The following GALNT14 variants were observed in gnomAD, a reference collection of about 807,000 sequenced individuals.
GALNT14 encodes UDP-GalNAc:polypeptide N-acetylgalactosaminyltransferase 14.
In GALNT14, 60 loss-of-function variants were observed where a neutral mutation model predicts 77.5. The observed-to-expected ratio is 0.77, with a 90% CI of 0.63 to 0.96. The LOEUF is 0.96. Ranked by LOEUF, GALNT14 falls within the 40% of genes least tolerant of loss-of-function variation. The pLI, the probability that GALNT14 is intolerant of heterozygous loss-of-function variation, is 0.00. For synonymous variants in GALNT14, 280 were observed against 281.7 expected, an observed-to-expected ratio of 0.99 and a Z score of 0.06; for missense variants, 710 against 731.0, an observed-to-expected ratio of 0.97 and a Z score of 0.33.
At position 31,138,403 on chromosome 2, in the gene GALNT14, G is replaced by A. The variant is rs1000142115; in HGVS notation, c.-317C>T. The A allele has an allele frequency of 2.8e-6, 1 of 360,528 alleles. No homozygotes were observed. The highest frequency in any genetic ancestry group is 5.0e-6 in the Non-Finnish European group (1 of 201,156). The allele number at this position is 360,528 out of a possible 1,614,324, so 22.3% of individuals were successfully genotyped here. A position where few individuals can be genotyped will look rare whatever the true frequency, so the allele number is the denominator to read the frequency against. ...CGCCGCCACCGCGGCTGCCGCCGCC[G>A]CCGCCGCCGCCTTGCCCGCTGCCGC... On this transcript the variant is annotated 5_prime_UTR_variant, in exon 1 of 15. Coordinates refer to ENST00000349752, the MANE Select transcript of GALNT14 (RefSeq NM_024572.4).
At chr2:31,030,563 A>AT (rs1672341432) in intron 1 of GALNT14, among the ~76,000 whole-genome samples, 1 of 152,212 alleles carries the variant, frequency 6.6e-6, no homozygotes, top group African/African-American at 2.4e-5. Context: ...TGGCACTTCT[A>AT]TCACCATTCA....
chr2:31,126,133 T>C (rs1170676358), intron 1 of GALNT14, among the ~76,000 whole-genome samples: 2 of 152,238 alleles, frequency 1.3e-5, no homozygotes, highest in African/African-American at 2.4e-5. Context: ...GTTTTCTCTT[T>C]AAACATTGTT....
chr2:31,019,450 C>T (rs1671583524), intron 1 of GALNT14, among the ~76,000 whole-genome samples: 1 of 152,144 alleles, frequency 6.6e-6, no homozygotes, highest in African/African-American at 2.4e-5. Flanking sequence ...GACTTGGGCT[C>T]ATTCATTCTC....
intron 1 of GALNT14, among the ~76,000 whole-genome samples, chr2:31,027,446 A>G (rs13034334): frequency 0.063 from 9,373 of 148,910 alleles, 383 homozygotes; most frequent in Middle Eastern, 0.1. Context: ...AAAAAAAAAC[A>G]GTCCCTGTGC....
intron 9 of GALNT14, 53 bp from the exon 10 acceptor site, chr2:30,932,247 TTGAGGCCCCAGGTCTAATGAAACGG>T (rs1297243327): frequency 1.4e-6 from 2 of 1,383,590 alleles, no homozygotes; most frequent in Non-Finnish European, 1.9e-6. Flanking sequence ...TGCTGCAGCT[TTGAGGCCCCAGGTCTAATGAAACGG>T]TGAGGCCCCC....
At chr2:30,894,947 A>G in the GALNT14 span, among the ~76,000 whole-genome samples, 3 of 152,216 alleles carry the variant, frequency 2.0e-5, no homozygotes, top group Admixed American at 6.5e-5. Context: ...TCCCCAGAGC[A>G]GCAGCACAGG....
chr2:31,108,310 T>G (rs1281207933), intron 1 of GALNT14, among the ~76,000 whole-genome samples: 1 of 152,212 alleles, frequency 6.6e-6, no homozygotes, highest in Admixed American at 6.5e-5. Context: ...GATGGAAACA[T>G]AAATTCTTCA....
intron 1 of GALNT14, among the ~76,000 whole-genome samples, chr2:31,026,617 G>C (rs529466805): frequency 6.6e-6 from 1 of 152,166 alleles, no homozygotes; most frequent in Non-Finnish European, 1.5e-5. Flanking sequence ...TAGGGAGGGG[G>C]TCTGCCCCAA....
rs1255119372 is a variant in GALNT14 at position 30,948,369 on chromosome 2, G to T, written c.655-2499C>A. On this transcript the variant is annotated intron_variant, in intron 6 of 14. Coordinates refer to ENST00000349752, the MANE Select transcript of GALNT14 (RefSeq NM_024572.4). Reference sequence around the variant, plus strand: ...ATGTCCTGCCTAGAAGACTGTCTTTGTTTACCTGGGGCTGTGGGCTACACC... The same window carrying T: ...ATGTCCTGCCTAGAAGACTGTCTTTTTTTACCTGGGGCTGTGGGCTACACC... 2.6e-5 allele frequency among the ~76,000 whole-genome samples: 4 copies of T among 152,320 alleles called. No homozygotes were observed. The East Asian group carries it at 7.7e-4, about 29-fold the overall frequency.
intron 1 of GALNT14, among the ~76,000 whole-genome samples, chr2:31,084,308 A>T (rs969192928): frequency 6.6e-5 from 10 of 152,202 alleles, no homozygotes; most frequent in African/African-American, 1.9e-4. Flanking sequence ...GTGTTGGCTG[A>T]AGCTCAAAGA....
intron 1 of GALNT14, among the ~76,000 whole-genome samples, chr2:31,103,265 T>C (rs559336368): frequency 6.6e-6 from 1 of 152,232 alleles, no homozygotes; most frequent in African/African-American, 2.4e-5. Context: ...CATTCGTAAT[T>C]ACAACATGAT....
At chr2:31,020,589 C>G (rs1671656655) in intron 1 of GALNT14, among the ~76,000 whole-genome samples, 1 of 152,152 alleles carries the variant, frequency 6.6e-6, no homozygotes, top group African/African-American at 2.4e-5. Context: ...TATTTTTAAT[C>G]TTCGACTCCT....
intron 6 of GALNT14, 111 bp from the exon 7 acceptor site, chr2:30,945,981 A>T: frequency 1.3e-6 from 1 of 795,034 alleles, no homozygotes. Flanking sequence ...TGTGGCCTTC[A>T]TAGAGCCCTT....
intron 1 of GALNT14, among the ~76,000 whole-genome samples, chr2:31,067,291 A>G (rs1168478809): frequency 6.6e-6 from 1 of 152,128 alleles, no homozygotes; most frequent in Non-Finnish European, 1.5e-5. Flanking sequence ...CCATGCAGTG[A>G]GCCCAGGAGC....
intron 11 of GALNT14, among the ~76,000 whole-genome samples, chr2:30,925,402 C>T (rs1665310916): frequency 6.6e-6 from 1 of 152,202 alleles, no homozygotes; most frequent in Non-Finnish European, 1.5e-5. Flanking sequence ...GCCCAGGTGA[C>T]ATAGGATGAG....
chr2:30,901,656 CATATATGTGTATGT>C, the GALNT14 span, among the ~76,000 whole-genome samples: 1 of 151,578 alleles, frequency 6.6e-6, no homozygotes, highest in African/African-American at 2.4e-5. Context: ...TATATATGCT[CATATATGTGTATGT>C]ATATATGTGT....
At chr2:31,022,016 C>G (rs56909128) in intron 1 of GALNT14, among the ~76,000 whole-genome samples, 5,417 of 152,308 alleles carry the variant, frequency 0.036, 314 homozygotes, top group African/African-American at 0.12. Flanking sequence ...GCCTCAAAGA[C>G]AGACACACCA....
At chr2:31,036,038 G>A (rs1672720278) in intron 1 of GALNT14, among the ~76,000 whole-genome samples, 1 of 152,192 alleles carries the variant, frequency 6.6e-6, no homozygotes, top group African/African-American at 2.4e-5. Context: ...AATAAAGTGT[G>A]TGTCTTATAG....
chr2:31,134,433 C>A (rs972415939), intron 1 of GALNT14, among the ~76,000 whole-genome samples: 1 of 150,456 alleles, frequency 6.6e-6, no homozygotes, highest in African/African-American at 2.5e-5. Context: ...ACCTACAGCA[C>A]GGAACTCACT....
Sources: gnomAD v4.1 joint callset for allele counts (sites outside exome capture counted in the v4.1 genomes callset) on GRCh38, gnomAD v4.1.1 for gene constraint, MANE v1.5 for transcripts, NCBI Gene and HGNC (gene_info 2026-07-23, HGNC 2026-07-21) for gene names.